Variants in KDM2B observed in about 807,000 individuals in gnomAD.
The protein encoded by KDM2B is lysine-specific demethylase 2B.
KDM2B carries 26 observed loss-of-function variants against 150.0 expected under a neutral mutation model. That is an observed-to-expected ratio of 0.17 (90% CI 0.13 to 0.24). KDM2B has a LOEUF of 0.24. KDM2B is among the 10% of genes least tolerant of loss of function. The pLI is 1.00. For missense variants in KDM2B, 1,265 were observed against 1,816.9 expected, an observed-to-expected ratio of 0.70 and a Z score of 5.52; for synonymous variants, 734 against 729.5, an observed-to-expected ratio of 1.01 and a Z score of -0.10.
At chr12:121,535,376 A>T (rs1888008179) in intron 6 of KDM2B, among the ~76,000 whole-genome samples, 1 of 152,194 alleles carries the variant, frequency 6.6e-6, no homozygotes, top group African/African-American at 2.4e-5. Context: ...ATCTATAGAG[A>T]CAGAAAGCAG....
intron 8 of KDM2B, among the ~76,000 whole-genome samples, chr12:121,528,201 TC>T (rs1887320367): frequency 1.3e-5 from 2 of 152,302 alleles, no homozygotes; most frequent in Admixed American, 6.5e-5. Context: ...TCAACGGTCT[TC>T]CTCTTCCAGG....
At chr12:121,447,129 C>T (rs1375625397) in intron 13 of KDM2B, among the ~76,000 whole-genome samples, 10 of 152,166 alleles carry the variant, frequency 6.6e-5, no homozygotes, top group African/African-American at 2.4e-4. Context: ...TTAAAATACT[C>T]CTCCCTTTTC....
intron 12 of KDM2B, among the ~76,000 whole-genome samples, chr12:121,488,065 G>T (rs1555299251): frequency 6.6e-6 from 1 of 152,046 alleles, no homozygotes; most frequent in African/African-American, 2.4e-5. Flanking sequence ...TTATAGGCGT[G>T]AGCCATCCTA....
intron 22 of KDM2B, among the ~76,000 whole-genome samples, chr12:121,434,434 T>C (rs1339554195): frequency 6.9e-6 from 1 of 145,514 alleles, no homozygotes; most frequent in Non-Finnish European, 1.5e-5. Context: ...AGGTGGAGGT[T>C]GCAGTGAGCC....
At chr12:121,490,806 T>A (rs1566331544) in intron 12 of KDM2B, among the ~76,000 whole-genome samples, 1 of 152,168 alleles carries the variant, frequency 6.6e-6, no homozygotes, top group Non-Finnish European at 1.5e-5. Context: ...TCACAGCACC[T>A]AATCAGTTCC....
chr12:121,534,963 T>G (rs1399926529), intron 6 of KDM2B, among the ~76,000 whole-genome samples: 1 of 152,052 alleles, frequency 6.6e-6, no homozygotes, highest in Non-Finnish European at 1.5e-5. Context: ...CCTTCACAGC[T>G]TGGATACCTG....
At chr12:121,526,981 G>A (rs530487007) in intron 8 of KDM2B, among the ~76,000 whole-genome samples, 15 of 152,194 alleles carry the variant, frequency 9.9e-5, no homozygotes, top group Middle Eastern at 6.8e-3. Context: ...GCAGTGAGCC[G>A]AGATCATGCC....
Position 121,443,783 on chromosome 12 carries a change from A to G in KDM2B, c.2462T>C (p.Leu821Pro), listed in dbSNP as rs1311242469. The G allele has an allele frequency of 6.3e-7, 1 of 1,597,536 alleles. No homozygotes were observed. Among genetic ancestry groups the G allele is most frequent in the Non-Finnish European group, 8.5e-7 (1 of 1,171,596 alleles). ...AGAGGAGGAACCGGGGGACGTTTGA[A>G]GCGATGAGGCCTAAAGGGGGGTGGA... is the stretch of plus-strand genomic sequence containing the variant. ...ELSGRKRASSLQTSPGSSSHL... is the reference protein window; with the variant it reads ...ELSGRKRASSPQTSPGSSSHL... The change falls in exon 17 of 23, where the codon CTT becomes CCT. Residue 821 changes from leucine (L) to proline (P), a missense_variant. Transcript: ENST00000377071.
At chr12:121,482,938 G>A (rs1454911920) in intron 12 of KDM2B, among the ~76,000 whole-genome samples, 4 of 151,966 alleles carry the variant, frequency 2.6e-5, no homozygotes, top group Non-Finnish European at 5.9e-5. Flanking sequence ...GGCCAAGCGG[G>A]GCGGATCACC....
At chr12:121,477,060 A>G (rs1454070120) in intron 12 of KDM2B, among the ~76,000 whole-genome samples, 1 of 152,176 alleles carries the variant, frequency 6.6e-6, no homozygotes, top group Admixed American at 6.6e-5. Context: ...TCATCTCCTG[A>G]TGAAACAATT....
At chr12:121,469,418 A>T (rs1369336959) in intron 12 of KDM2B, 1 of 149,346 alleles carries the variant, frequency 6.7e-6, no homozygotes, top group Non-Finnish European at 1.5e-5. Flanking sequence ...AGAATTCAAG[A>T]CCAGCCTGGC....
In KDM2B at chr12:121,534,508, G is replaced by A; in HGVS notation, c.766C>T (p.Arg256Trp). 9 of 1,613,678 alleles carry A rather than the reference G, an allele frequency of 5.6e-6. No homozygotes were observed. Among genetic ancestry groups the A allele is most frequent in the Non-Finnish European group, 7.6e-6 (9 of 1,179,682 alleles). ...CAACTGAAACTCACCTTCCCACCCC[G>A]GAAAACATGGTACCAAACGGAAGTG... ...GGTSVWYHVF[R>W]GGKIFWLIPP... The change falls in exon 7 of 23, where the codon CGG becomes TGG. Residue 256 changes from arginine (R) to tryptophan (W), a missense_variant. Arg to Trp is a moderately radical substitution (Grantham distance 101). Coordinates refer to ENST00000377071, the MANE Select transcript of KDM2B (RefSeq NM_032590.5).
chr12:121,575,927 G>C lies in KDM2B; in HGVS notation c.272-68C>G, dbSNP rs552247312. ...AGGAGCAAATGAACCGGGATCTGTTGGTTAGGGGAAGAAAACTGATGGACG... is the reference window on the plus strand; with the variant it reads ...AGGAGCAAATGAACCGGGATCTGTTCGTTAGGGGAAGAAAACTGATGGACG... On this transcript the variant is annotated intron_variant, in intron 2 of 22. Coordinates refer to ENST00000377071, the MANE Select transcript of KDM2B (RefSeq NM_032590.5). This position sits in a 1 kb window ranked among gnomAD's most constrained non-coding sequence, Gnocchi z 4.4. The C allele has an allele frequency of 1.7e-4, 214 of 1,231,850 alleles. No homozygotes were observed. Among genetic ancestry groups the C allele is most frequent in the Admixed American group, 2.5e-4 (15 of 59,240 alleles). 76.3% of individuals were successfully genotyped at this position (1,231,850 alleles called of 1,614,324 possible).
At chr12:121,541,680 A>G (rs1888626914) in intron 6 of KDM2B, among the ~76,000 whole-genome samples, 1 of 152,110 alleles carries the variant, frequency 6.6e-6, no homozygotes, top group Non-Finnish European at 1.5e-5. Flanking sequence ...GTACACAGGG[A>G]AGAGAACCCA....
chr12:121,443,523 G>A (rs1009793031), intron 17 of KDM2B, 157 bp downstream of exon 17: 20 of 628,074 alleles, frequency 3.2e-5, no homozygotes, highest in Non-Finnish European at 4.8e-5. Context: ...AGCTTCCCAG[G>A]CCCCAAGCCA....
intron 7 of KDM2B, among the ~76,000 whole-genome samples, chr12:121,534,106 T>G (rs1887886027): frequency 2.6e-5 from 4 of 151,944 alleles, no homozygotes; most frequent in Admixed American, 2.6e-4. Context: ...TCCCAGCACT[T>G]TGGGAGGCCA....
intron 4 of KDM2B, among the ~76,000 whole-genome samples, chr12:121,573,596 T>G (rs532756790): frequency 1.3e-4 from 19 of 151,596 alleles, no homozygotes; most frequent in African/African-American, 4.3e-4. Flanking sequence ...TCTTTTTTTT[T>G]TTTTTTGAGA....
intron 12 of KDM2B, among the ~76,000 whole-genome samples, chr12:121,466,836 G>A (rs1593849123): frequency 6.9e-6 from 1 of 145,944 alleles, no homozygotes; most frequent in Non-Finnish European, 1.5e-5. Context: ...CGCGGCCGCC[G>A]GCAACTTGCC....
the KDM2B span, among the ~76,000 whole-genome samples, chr12:121,410,601 CA>C: frequency 2.6e-5 from 4 of 151,594 alleles, no homozygotes; most frequent in Admixed American, 2.6e-4. Context: ...ATACTAGTGA[CA>C]GGGGCTTCCC....
Sources: allele counts gnomAD v4.1 joint callset (sites outside exome capture counted in the v4.1 genomes callset), GRCh38; gene constraint gnomAD v4.1.1; non-coding constraint Gnocchi (gnomAD v3.1); transcripts MANE v1.5; gene names NCBI Gene and HGNC (gene_info 2026-07-23, HGNC 2026-07-21).